Variants in PLCH1 observed in about 807,000 individuals in gnomAD.
PLCH1 encodes the protein 1-phosphatidylinositol 4,5-bisphosphate phosphodiesterase eta-1.
Under a neutral mutation model 126.7 loss-of-function variants are expected in PLCH1, and 60 were observed. The ratio of observed to expected loss-of-function variants is 0.47; its 90% CI spans 0.38 to 0.59. The LOEUF (loss-of-function observed/expected upper bound fraction) is 0.59. Among genes scored for constraint, PLCH1 ranks in the 20% least tolerant of loss-of-function variants. The probability of loss-of-function intolerance (pLI) is 0.00; values close to 1 mark genes in which losing one functional copy is unlikely to be tolerated. For missense variants in PLCH1, 1,723 were observed against 2,040.0 expected (o/e 0.84, Z 2.99); for synonymous variants, 719 against 734.9 (o/e 0.98, Z 0.35).
chr3:155,457,623 TATATTA>T (rs1235807310), intron 21 of PLCH1: 4 of 152,196 alleles, frequency 2.6e-5, no homozygotes, highest in East Asian at 1.9e-4. Context: ...CTTAGTACAT[TATATTA>T]ATATTATCTA....
intron 2 of PLCH1, among the ~76,000 whole-genome samples, chr3:155,691,256 G>C (rs1745362065): frequency 6.6e-6 from 1 of 152,180 alleles, no homozygotes; most frequent in African/African-American, 2.4e-5. Context: ...GTCTTGTTGA[G>C]AGACTTAAAA....
chr3:155,460,068 A>T (rs1293162425), intron 21 of PLCH1, among the ~76,000 whole-genome samples: 1 of 152,186 alleles, frequency 6.6e-6, no homozygotes, highest in African/African-American at 2.4e-5. Flanking sequence ...ACTAAAGTTT[A>T]AGAATCATTG....
intron 1 of PLCH1, among the ~76,000 whole-genome samples, chr3:155,734,998 C>T (rs1264184643): frequency 2.6e-5 from 4 of 152,034 alleles, no homozygotes; most frequent in African/African-American, 7.2e-5. Context: ...CGTGAGCCAC[C>T]GCGCCCAGCC....
intron 2 of PLCH1, among the ~76,000 whole-genome samples, chr3:155,661,343 A>G (rs1189491821): frequency 2.0e-5 from 3 of 152,296 alleles, no homozygotes; most frequent in South Asian, 4.1e-4. Context: ...GTAACAAGGC[A>G]TATTTTGATT....
intron 2 of PLCH1, among the ~76,000 whole-genome samples, chr3:155,693,811 T>G (rs532945162): frequency 6.6e-6 from 1 of 151,912 alleles, no homozygotes; most frequent in Non-Finnish European, 1.5e-5. Flanking sequence ...GCACCTGTAA[T>G]CCCAGCTCCT....
intron 1 of PLCH1, among the ~76,000 whole-genome samples, chr3:155,731,751 G>A (rs544864743): frequency 5.6e-4 from 86 of 152,220 alleles, no homozygotes; most frequent in Middle Eastern, 3.4e-3. Context: ...AGAAAGTCAA[G>A]GCAAGCATAT....
intron 2 of PLCH1, among the ~76,000 whole-genome samples, chr3:155,651,679 T>C (rs776617784): frequency 7.9e-5 from 12 of 152,212 alleles, no homozygotes; most frequent in Non-Finnish European, 1.2e-4. Flanking sequence ...TCTACTCTTA[T>C]TTACTTTGTT....
At chr3:155,736,432 A>G (rs1171762442) in intron 1 of PLCH1, among the ~76,000 whole-genome samples, 3 of 152,246 alleles carry the variant, frequency 2.0e-5, no homozygotes, top group African/African-American at 4.8e-5. Context: ...AAATTCAGGA[A>G]TAATCACACT....
intron 1 of PLCH1, chr3:155,743,652 T>C: frequency 2.5e-6 from 1 of 393,018 alleles, no homozygotes; most frequent in Non-Finnish European, 4.9e-6. Flanking sequence ...CTGAGGCAAC[T>C]GAAAAAAACT....
At chr3:155,603,119 C>T (rs1174431521) in intron 2 of PLCH1, among the ~76,000 whole-genome samples, 1 of 151,628 alleles carries the variant, frequency 6.6e-6, no homozygotes. Flanking sequence ...GATCATTGAA[C>T]TGTGAATTAG....
intron 2 of PLCH1, among the ~76,000 whole-genome samples, chr3:155,678,798 G>A (rs1252233463): frequency 6.6e-6 from 1 of 152,068 alleles, no homozygotes; most frequent in Non-Finnish European, 1.5e-5. Flanking sequence ...CATAGTACTT[G>A]GCATACAGTA....
chr3:155,582,543 GA>G (rs1730854285), intron 6 of PLCH1, among the ~76,000 whole-genome samples: 1 of 152,118 alleles, frequency 6.6e-6, no homozygotes, highest in South Asian at 2.1e-4. Flanking sequence ...GAGTACTGTA[GA>G]AAGAATTATT....
At position 155,501,501 on chromosome 3, in the gene PLCH1, A is replaced by G. The variant is rs1449257631; in HGVS notation, c.1705-707T>C. 2.0e-5 allele frequency among the ~76,000 whole-genome samples: 3 copies of G among 152,148 alleles called. No individual in the cohort carries two copies. The East Asian group carries it at 5.8e-4, about 29-fold the overall frequency. The stretch of plus-strand genomic sequence containing the variant: ...TTTAGGCAACACAGACCTCAACAAT[A>G]CAAATGATGGGCCGGGCGTGGTGGC... On this transcript the variant is annotated intron_variant, in intron 13 of 22. Coordinates refer to ENST00000460012, the MANE Select transcript of PLCH1 (RefSeq NM_014996.4).
chr3:155,597,298 C>A lies in PLCH1; in HGVS notation c.80-920G>T, dbSNP rs1202699576. Among the ~76,000 whole-genome samples, 3 of 152,316 alleles carry A rather than the reference C, an allele frequency of 2.0e-5. No individual in the cohort carries two copies. In the East Asian group the frequency reaches 5.8e-4, roughly 29 times the overall value. The stretch of plus-strand genomic sequence containing the variant: ...TCATTGCTTGAAAACAGAACTGAAC[C>A]ATTCAACAACTGAGATACTCCTAGT... On this transcript the variant is annotated intron_variant, in intron 2 of 22. Transcript: ENST00000460012.
At chr3:155,473,412 A>G (rs1360439917) in intron 21 of PLCH1, among the ~76,000 whole-genome samples, 1 of 152,172 alleles carries the variant, frequency 6.6e-6, no homozygotes, top group African/African-American at 2.4e-5. Flanking sequence ...ACTGCTGCTC[A>G]AGGAAATAAA....
rs79393135 is a variant in PLCH1, at chr3:155,482,863, C to T, written c.3163G>A (p.Gly1055Ser). 390 of 1,614,074 alleles carry T rather than the reference C, an allele frequency of 2.4e-4. 1 individual carries two copies. In the African/African-American group the frequency reaches 4.8e-3, roughly 20 times the overall value. ...GEQLGMSSPRGGRTTSNATSN... is the reference protein window; with the variant it reads ...GEQLGMSSPRSGRTTSNATSN... ...GTGGCATTTGATGTGGTTCTCCCAC[C>T]CCTAGGACTTGACATGCCCAGCTGT... The change falls in exon 23 of 23, where the codon GGT (glycine) becomes AGT (serine). Residue 1055 changes from glycine (G) to serine (S), a missense_variant. Around this residue, in one of 2 missense-constraint regions of PLCH1, gnomAD observed 947 missense variants for 977.1 expected, o/e 0.97. Coordinates refer to ENST00000460012, the MANE Select transcript of PLCH1 (RefSeq NM_014996.4).
intron 1 of PLCH1, among the ~76,000 whole-genome samples, chr3:155,732,409 G>A (rs188540592): frequency 1.3e-4 from 19 of 151,782 alleles, no homozygotes; most frequent in East Asian, 9.7e-4. Flanking sequence ...AGATGAGGCC[G>A]GGTGCAGTGG....
At chr3:155,631,902 CT>C (rs60843505) in intron 2 of PLCH1, among the ~76,000 whole-genome samples, 9,005 of 140,702 alleles carry the variant, frequency 0.064, 413 homozygotes, top group African/African-American at 0.16. Flanking sequence ...ACAAGAACTC[CT>C]TTTTTTTTTT....
chr3:155,693,625 TA>T (rs1373742728), intron 2 of PLCH1, among the ~76,000 whole-genome samples: 1 of 152,000 alleles, frequency 6.6e-6, no homozygotes, highest in East Asian at 1.9e-4. Flanking sequence ...AGTGAAAAAA[TA>T]TTTTTAAAGA....
Sources: gnomAD v4.1 joint callset for allele counts (sites outside exome capture counted in the v4.1 genomes callset) on GRCh38, gnomAD v4.1.1 for gene constraint, gnomAD v4.1.1 regional missense constraint, MANE v1.5 for transcripts, NCBI Gene and HGNC (gene_info 2026-07-23, HGNC 2026-07-21) for gene names.